ARHGAP35: variants seen among roughly 807,000 people sequenced by gnomAD.
ARHGAP35 encodes Rho GTPase activating protein 35, also known as rho GTPase-activating protein 35.
In ARHGAP35, 15 loss-of-function variants were observed where a neutral mutation model predicts 111.1. That is an observed-to-expected ratio of 0.13 (90% CI 0.09 to 0.21). The LOEUF (loss-of-function observed/expected upper bound fraction) is 0.21. ARHGAP35 is among the 10% of genes least tolerant of loss of function. The pLI is 1.00. For missense variants in ARHGAP35, 1,262 were observed against 1,873.0 expected, an observed-to-expected ratio of 0.67 and a Z score of 6.02; for synonymous variants, 643 against 710.3, an observed-to-expected ratio of 0.91 and a Z score of 1.51.
chr19:47,001,401 G>A lies in ARHGAP35; in HGVS notation c.*713G>A, dbSNP rs2122370477. On this transcript the variant is annotated 3_prime_UTR_variant, in exon 7 of 7. Coordinates refer to ENST00000672722, the MANE Select transcript of ARHGAP35 (RefSeq NM_004491.5). The surrounding 1 kb of genome is among the most constrained non-coding windows in gnomAD (Gnocchi z 5.4). ...GAGAAAAAATGGAAAAACCCTTCCA[G>A]TAATTAAAAAGGAAGAAACCACAGA... The A allele has an allele frequency of 7.8e-7, 1 of 1,287,152 alleles. No homozygotes were observed. The highest frequency in any genetic ancestry group is 1.0e-6 in the Non-Finnish European group (1 of 986,546). 79.7% of individuals were successfully genotyped at this position (1,287,152 alleles called of 1,614,324 possible).
intron 3 of ARHGAP35, among the ~76,000 whole-genome samples, chr19:46,954,700 C>G (rs2056429632): frequency 6.6e-6 from 1 of 152,228 alleles, no homozygotes; most frequent in African/African-American, 2.4e-5. Flanking sequence ...TTCGTAGCCT[C>G]CCAACAGTTT....
In ARHGAP35 at chr19:46,994,786, G is replaced by T. The variant is rs867377608; in HGVS notation, c.4037-4518G>T. Among the ~76,000 whole-genome samples, 2 of 152,172 alleles carry T rather than the reference G, an allele frequency of 1.3e-5. No homozygotes were observed. Among genetic ancestry groups the T allele is most frequent in the African/African-American group, 2.4e-5 (1 of 41,450 alleles). ...TAAAATAGTACCCAGGCAGGAGCGG[G>T]TCCCCGTAAATATCTGCTCCTCCCA... On this transcript the variant is annotated intron_variant, in intron 5 of 6. Transcript: ENST00000672722. This position sits in a 1 kb window ranked among gnomAD's most constrained non-coding sequence, Gnocchi z 5.4.
intron 1 of ARHGAP35, among the ~76,000 whole-genome samples, chr19:46,894,451 T>G (rs1008960961): frequency 4.7e-5 from 7 of 149,206 alleles, no homozygotes; most frequent in East Asian, 1.9e-4. Flanking sequence ...TTTGGTTTTT[T>G]TTTTTTTTTT....
intron 1 of ARHGAP35, among the ~76,000 whole-genome samples, chr19:46,893,440 T>C (rs2056036341): frequency 6.6e-6 from 1 of 152,088 alleles, no homozygotes; most frequent in Non-Finnish European, 1.5e-5. Context: ...CCTTCTTTTC[T>C]AGTGGGAAGC....
intron 1 of ARHGAP35, among the ~76,000 whole-genome samples, chr19:46,907,416 C>G (rs946456325): frequency 1.3e-5 from 2 of 151,478 alleles, no homozygotes; most frequent in Admixed American, 1.3e-4. Flanking sequence ...TCCCAGAGTG[C>G]TGGGATTACA....
At chr19:46,942,585 C>T (rs1412989279) in intron 3 of ARHGAP35, among the ~76,000 whole-genome samples, 3 of 152,002 alleles carry the variant, frequency 2.0e-5, no homozygotes, top group African/African-American at 7.3e-5. Context: ...TGCAGTGAGC[C>T]GAGATCGCAC....
At chr19:46,979,598 G>A (rs1404852117) in intron 3 of ARHGAP35, among the ~76,000 whole-genome samples, 1 of 152,216 alleles carries the variant, frequency 6.6e-6, no homozygotes, top group Non-Finnish European at 1.5e-5. Flanking sequence ...GCTTCTGAAG[G>A]ATCAGCCAGA....
intron 1 of ARHGAP35, among the ~76,000 whole-genome samples, chr19:46,907,139 A>G (rs1052221101): frequency 6.6e-6 from 1 of 152,274 alleles, no homozygotes. Flanking sequence ...AATAAGAAAT[A>G]TGTTATAATA....
chr19:46,881,689 A>G (rs980130198), intron 1 of ARHGAP35, among the ~76,000 whole-genome samples: 1 of 152,196 alleles, frequency 6.6e-6, no homozygotes, highest in Non-Finnish European at 1.5e-5. Context: ...AGAATAGTAA[A>G]TAAGCATTGG....
chr19:46,944,945 A>C (rs1191932894), intron 3 of ARHGAP35, among the ~76,000 whole-genome samples: 1 of 152,180 alleles, frequency 6.6e-6, no homozygotes, highest in African/African-American at 2.4e-5. Context: ...CATACTTCTG[A>C]AAATCAGAAT....
chr19:46,983,527 G>C (rs1274261981), intron 3 of ARHGAP35, among the ~76,000 whole-genome samples: 1 of 151,158 alleles, frequency 6.6e-6, no homozygotes, highest in Non-Finnish European at 1.5e-5. Context: ...CAAAAATTCT[G>C]GTCTATTTCA....
chr19:46,930,237 T>C (rs1483763199), intron 2 of ARHGAP35, among the ~76,000 whole-genome samples: 1 of 151,828 alleles, frequency 6.6e-6, no homozygotes, highest in Non-Finnish European at 1.5e-5. Context: ...CACACACCTG[T>C]AGTCCCAGCT....
chr19:46,932,384 G>A (rs2056277901), intron 2 of ARHGAP35, among the ~76,000 whole-genome samples: 2 of 152,302 alleles, frequency 1.3e-5, no homozygotes, highest in African/African-American at 4.8e-5. Context: ...CTGCTAATAG[G>A]TAAGTGCCTC....
At position 46,919,144 on chromosome 19, in the gene ARHGAP35, G is replaced by A. The variant is rs910190095; in HGVS notation, c.469G>A (p.Val157Ile). Residue 157 changes from valine (V) to isoleucine (I), a missense_variant, in exon 2 of 7, where the codon GTT becomes ATT. This residue lies in a region of ARHGAP35 where 125 missense variants were observed against 301.7 expected (regional missense o/e 0.41). Coordinates refer to ENST00000672722, the MANE Select transcript of ARHGAP35 (RefSeq NM_004491.5). This position sits in a 1 kb window ranked among gnomAD's most constrained non-coding sequence, Gnocchi z 6.2. ...ACAAATGCCAGACGGAAAGCTGCTG[G>A]TTGATGGTTTTCTTCTTGGTATTGA... Reference protein sequence around the residue: ...QKQMPDGKLLVDGFLLGIDVS... With the variant: ...QKQMPDGKLLIDGFLLGIDVS... The A allele has an allele frequency of 1.2e-6, 2 of 1,613,994 alleles. No homozygotes were observed. Among genetic ancestry groups the A allele is most frequent in the Non-Finnish European group, 1.7e-6 (2 of 1,179,892 alleles).
At chr19:46,965,167 G>C (rs2056506111) in intron 3 of ARHGAP35, among the ~76,000 whole-genome samples, 2 of 152,110 alleles carry the variant, frequency 1.3e-5, no homozygotes. Flanking sequence ...ACAAAAATTA[G>C]CCGGGCGTGG....
chr19:46,943,067 G>A (rs2122234580), intron 3 of ARHGAP35, among the ~76,000 whole-genome samples: 1 of 150,394 alleles, frequency 6.6e-6, no homozygotes, highest in South Asian at 2.1e-4. Context: ...AAGAGACAGA[G>A]TCTCACTCTG....
chr19:46,925,690 T>A (rs2056234117), intron 2 of ARHGAP35, among the ~76,000 whole-genome samples: 2 of 152,178 alleles, frequency 1.3e-5, no homozygotes. Context: ...TTGTAGTGAT[T>A]AGGAGCTCAG....
chr19:46,934,176 A>G (rs2056290196), intron 2 of ARHGAP35, among the ~76,000 whole-genome samples: 1 of 152,246 alleles, frequency 6.6e-6, no homozygotes, highest in Non-Finnish European at 1.5e-5. Flanking sequence ...ATTTAAGTAC[A>G]GATGCTCTTT....
chr19:46,953,572 C>T (rs1329898249), intron 3 of ARHGAP35, among the ~76,000 whole-genome samples: 4 of 152,180 alleles, frequency 2.6e-5, no homozygotes, highest in African/African-American at 9.7e-5. Flanking sequence ...GAACAGTCCT[C>T]GCCCTTGAGG....
Sources: gnomAD v4.1 joint callset for allele counts (sites outside exome capture counted in the v4.1 genomes callset) on GRCh38, gnomAD v4.1.1 for gene constraint, gnomAD v4.1.1 regional missense constraint, Gnocchi (gnomAD v3.1) non-coding constraint, MANE v1.5 for transcripts, NCBI Gene and HGNC (gene_info 2026-07-23, HGNC 2026-07-21) for gene names.